GFOD1: variants seen among roughly 807,000 people sequenced by gnomAD.
GFOD1 encodes Gfo/Idh/MocA-like oxidoreductase domain containing 1, also known as glucose-fructose oxidoreductase domain-containing protein 1.
In GFOD1, 9 loss-of-function variants were observed where a neutral mutation model predicts 25.4. The observed-to-expected ratio is 0.35, with a 90% CI of 0.21 to 0.62. The LOEUF (loss-of-function observed/expected upper bound fraction) is 0.62, where lower values mean the gene tolerates loss of function less well. GFOD1 is among the 20% of genes least tolerant of loss of function. The pLI, the probability that GFOD1 is intolerant of heterozygous loss-of-function variation, is 0.72. For synonymous variants in GFOD1, 253 were observed against 245.6 expected, an observed-to-expected ratio of 1.03 and a Z score of -0.28; for missense variants, 403 against 556.9, an observed-to-expected ratio of 0.72 and a Z score of 2.78.
chr6:13,392,969 G>A (rs1429258115), intron 1 of GFOD1, among the ~76,000 whole-genome samples: 1 of 152,096 alleles, frequency 6.6e-6, no homozygotes, highest in Non-Finnish European at 1.5e-5. Context: ...GGCTGAGGCA[G>A]GAGGATTGCT....
intron 1 of GFOD1, among the ~76,000 whole-genome samples, chr6:13,397,221 A>T (rs1562205277): frequency 6.6e-6 from 1 of 152,194 alleles, no homozygotes; most frequent in Admixed American, 6.5e-5. Context: ...TTACAGGTGC[A>T]AGCCATGGCG....
chr6:13,470,482 C>A, intron 1 of GFOD1: 1 of 1,550,120 alleles, frequency 6.5e-7, no homozygotes, highest in Non-Finnish European at 8.7e-7. Flanking sequence ...TCCCCTGGGA[C>A]TCTCCAAGAG....
chr6:13,463,142 A>T (rs577860247), intron 1 of GFOD1, among the ~76,000 whole-genome samples: 12 of 152,350 alleles, frequency 7.9e-5, no homozygotes, highest in African/African-American at 2.9e-4. Flanking sequence ...CAGGGTACTT[A>T]ATTAACTCCA....
At chr6:13,422,935 T>C (rs1287147681) in intron 1 of GFOD1, among the ~76,000 whole-genome samples, 1 of 152,226 alleles carries the variant, frequency 6.6e-6, no homozygotes, top group Non-Finnish European at 1.5e-5. Flanking sequence ...CAAGGAGCTA[T>C]TTTAAACCCA....
At chr6:13,367,553 T>C (rs1189889077) in intron 1 of GFOD1, among the ~76,000 whole-genome samples, 2 of 152,174 alleles carry the variant, frequency 1.3e-5, no homozygotes, top group Non-Finnish European at 2.9e-5. Context: ...ATGTGATGAC[T>C]GTGATGTGTG....
chr6:13,458,370 G>C (rs1469177297), intron 1 of GFOD1, among the ~76,000 whole-genome samples: 3 of 152,064 alleles, frequency 2.0e-5, no homozygotes, highest in Admixed American at 2.0e-4. Context: ...CCCCCGCTTG[G>C]CCTCCCAAAG....
At chr6:13,418,384 T>TCA (rs1786197349) in intron 1 of GFOD1, among the ~76,000 whole-genome samples, 1 of 152,236 alleles carries the variant, frequency 6.6e-6, no homozygotes, top group Non-Finnish European at 1.5e-5. Flanking sequence ...GATTGACACA[T>TCA]CACTGATCAA....
chr6:13,445,857 C>G (rs1202409276), intron 1 of GFOD1, among the ~76,000 whole-genome samples: 2 of 152,234 alleles, frequency 1.3e-5, no homozygotes, highest in Admixed American at 1.3e-4. Flanking sequence ...GACGTCCAAC[C>G]TCAGCTGTCC....
intron 1 of GFOD1, among the ~76,000 whole-genome samples, chr6:13,442,013 C>T (rs1027397294): frequency 2.0e-5 from 3 of 152,144 alleles, no homozygotes; most frequent in East Asian, 1.9e-4. Flanking sequence ...TGTGTAGACA[C>T]GCCAATTCTC....
At position 13,416,060 on chromosome 6, in the gene GFOD1, C is replaced by T. The variant is rs116428482; in HGVS notation, c.254-50398G>A. On this transcript the variant is annotated intron_variant, in intron 1 of 1. Transcript: ENST00000379287. ...ACTGGATAAAGGGGGTGGTTTCCCC[C>T]ATGCCATTCTCATGATAGTGAGTGA... Among the ~76,000 whole-genome samples the T allele has an allele frequency of 7.6e-3, 1,163 of 152,290 alleles. 15 individuals are homozygous for T. Among genetic ancestry groups the T allele is most frequent in the African/African-American group, 0.024 (998 of 41,538 alleles).
chr6:13,376,353 T>C (rs899507821), intron 1 of GFOD1, among the ~76,000 whole-genome samples: 1 of 152,080 alleles, frequency 6.6e-6, no homozygotes, highest in Non-Finnish European at 1.5e-5. Flanking sequence ...AATAGCCAAA[T>C]GACAACTACT....
chr6:13,367,592 C>A (rs922502767), intron 1 of GFOD1, among the ~76,000 whole-genome samples: 6 of 151,992 alleles, frequency 3.9e-5, no homozygotes, highest in African/African-American at 1.5e-4. Context: ...CAAAATGCCT[C>A]TCTGAGCCCT....
At chr6:13,415,668 G>A (rs952144167) in intron 1 of GFOD1, among the ~76,000 whole-genome samples, 6 of 152,184 alleles carry the variant, frequency 3.9e-5, no homozygotes, top group Non-Finnish European at 8.8e-5. Context: ...TTCACTAGCT[G>A]GGCAAGCTGA....
rs908721994 is a variant in GFOD1, at chr6:13,413,313, T to A, written c.254-47651A>T. Among the ~76,000 whole-genome samples the A allele has an allele frequency of 2.0e-5, 3 of 152,286 alleles. No individual in the cohort carries two copies. In the East Asian group the frequency reaches 5.8e-4, roughly 29 times the overall value. On this transcript the variant is annotated intron_variant, in intron 1 of 1. Transcript: ENST00000379287. ...CACTATGGGGAGCAGGCCACCCACT[T>A]GTGAAGGGTTGTTCAGCCTGTCATT...
chr6:13,389,842 C>A (rs1032525462), intron 1 of GFOD1, among the ~76,000 whole-genome samples: 11 of 152,136 alleles, frequency 7.2e-5, no homozygotes, highest in Non-Finnish European at 1.6e-4. Context: ...CACACCCCTT[C>A]TGTTTAGAAC....
chr6:13,422,184 G>A (rs1051356917), intron 1 of GFOD1, among the ~76,000 whole-genome samples: 2 of 152,080 alleles, frequency 1.3e-5, no homozygotes, highest in African/African-American at 2.4e-5. Flanking sequence ...AATTAAGGCT[G>A]CCATTCAATA....
intron 1 of GFOD1, among the ~76,000 whole-genome samples, chr6:13,433,956 TA>T (rs1190758588): frequency 6.6e-6 from 1 of 152,242 alleles, no homozygotes; most frequent in Non-Finnish European, 1.5e-5. Flanking sequence ...AGTCTTATTG[TA>T]AGGCCTGCAC....
At chr6:13,427,087 C>T (rs188747829) in intron 1 of GFOD1, among the ~76,000 whole-genome samples, 38 of 152,300 alleles carry the variant, frequency 2.5e-4, no homozygotes, top group African/African-American at 7.9e-4. Flanking sequence ...TGTGATTGGA[C>T]CTCACAGGAC....
chr6:13,407,990 G>A (rs536523153), intron 1 of GFOD1: 2 of 985,242 alleles, frequency 2.0e-6, no homozygotes, highest in African/African-American at 3.5e-5. Context: ...GCACCCAAAG[G>A]TGGGAGCACT....
Sources: gnomAD v4.1 joint callset for allele counts (sites outside exome capture counted in the v4.1 genomes callset) on GRCh38, gnomAD v4.1.1 for gene constraint, MANE v1.5 for transcripts, NCBI Gene and HGNC (gene_info 2026-07-23, HGNC 2026-07-21) for gene names.